Variants in RIMS2 observed in about 807,000 individuals in gnomAD.
RIMS2 encodes regulating synaptic membrane exocytosis 2, also known as regulating synaptic membrane exocytosis protein 2.
Under a neutral mutation model 174.4 loss-of-function variants are expected in RIMS2, and 59 were observed. That is an observed-to-expected ratio of 0.34 (90% CI 0.27 to 0.42). RIMS2 has a LOEUF of 0.42. RIMS2 is among the 10% of genes least tolerant of loss of function. The pLI is 1.00. For missense variants in RIMS2, 1,620 were observed against 1,666.3 expected, an observed-to-expected ratio of 0.97 and a Z score of 0.48; for synonymous variants, 606 against 572.5, an observed-to-expected ratio of 1.06 and a Z score of -0.84.
At chr8:104,047,949 C>A (rs2096721950) in intron 19 of RIMS2, among the ~76,000 whole-genome samples, 1 of 152,056 alleles carries the variant, frequency 6.6e-6, no homozygotes, top group Non-Finnish European at 1.5e-5. Flanking sequence ...GGGCTGGTTG[C>A]TTAACACTTC....
intron 19 of RIMS2, among the ~76,000 whole-genome samples, chr8:104,020,612 T>C (rs1181732838): frequency 6.6e-6 from 1 of 152,000 alleles, no homozygotes; most frequent in Non-Finnish European, 1.5e-5. Flanking sequence ...GGGAAAGGAT[T>C]CTGAGGAAGA....
intron 14 of RIMS2, among the ~76,000 whole-genome samples, chr8:103,952,593 A>T (rs1270478124): frequency 2.0e-5 from 3 of 152,136 alleles, no homozygotes; most frequent in Non-Finnish European, 4.4e-5. Flanking sequence ...CCACTCAGAG[A>T]CCCCATCTGA....
chr8:103,611,130 G>A (rs922450911), intron 1 of RIMS2, among the ~76,000 whole-genome samples: 1 of 151,524 alleles, frequency 6.6e-6, no homozygotes, highest in Admixed American at 6.6e-5. Flanking sequence ...TGTAGTAGTA[G>A]TCCCTGAGGG....
Position 103,789,676 on chromosome 8 carries a change from AT to A in RIMS2, c.698+23140del, listed in dbSNP as rs1426024546. Among the ~76,000 whole-genome samples, 4 of 150,616 alleles carry A rather than the reference AT, an allele frequency of 2.7e-5. No homozygotes were observed. The East Asian group carries it at 7.9e-4, about 30-fold the overall frequency. ...TGCAAATACTTTTCCCCAGTTTATT[AT>A]CTTTTGACTTTGCTTATATTATTCT... On this transcript the variant is annotated intron_variant, in intron 3 of 23. Transcript: ENST00000504942.
intron 1 of RIMS2, among the ~76,000 whole-genome samples, chr8:103,511,130 C>A (rs1265733409): frequency 2.0e-5 from 3 of 152,124 alleles, no homozygotes; most frequent in Non-Finnish European, 4.4e-5. Context: ...TTAACAGTTT[C>A]CTCCAGAGTT....
At chr8:103,508,741 C>G (rs1255450296) in intron 1 of RIMS2, among the ~76,000 whole-genome samples, 1 of 152,014 alleles carries the variant, frequency 6.6e-6, no homozygotes, top group Non-Finnish European at 1.5e-5. Context: ...GATAAAGGCA[C>G]TATTTAGGAG....
chr8:103,936,304 A>G (rs2081238535), intron 12 of RIMS2, among the ~76,000 whole-genome samples: 1 of 152,174 alleles, frequency 6.6e-6, no homozygotes, highest in Admixed American at 6.5e-5. Flanking sequence ...TCAGTTTTCA[A>G]TAATATGTCA....
chr8:103,693,828 T>C (rs1177941428), intron 1 of RIMS2, among the ~76,000 whole-genome samples: 1 of 152,126 alleles, frequency 6.6e-6, no homozygotes, highest in Non-Finnish European at 1.5e-5. Flanking sequence ...ATCTCTTTCT[T>C]TGGGAACTGA....
chr8:103,718,001 A>C (rs546116614), intron 2 of RIMS2, among the ~76,000 whole-genome samples: 52 of 151,782 alleles, frequency 3.4e-4, no homozygotes, highest in Non-Finnish European at 6.0e-4. Flanking sequence ...CTAAGTCTAG[A>C]CAGCAAATTC....
In RIMS2 at chr8:103,978,642, T is replaced by C. The variant is rs183329777; in HGVS notation, c.2927+3136T>C. ...ATAAAAACTAATAAAAATACCTGGGTATAATGATCATGGACAAATTTGTTC... is the reference window on the plus strand; with the variant it reads ...ATAAAAACTAATAAAAATACCTGGGCATAATGATCATGGACAAATTTGTTC... On this transcript the variant is annotated intron_variant, in intron 16 of 23. Coordinates refer to ENST00000504942, the Ensembl canonical transcript of RIMS2. 4.6e-5 allele frequency among the ~76,000 whole-genome samples: 7 copies of C among 152,354 alleles called. No individual in the cohort carries two copies. The South Asian group carries it at 6.2e-4, about 14-fold the overall frequency.
At chr8:104,188,064 T>C (rs1346934296) in intron 19 of RIMS2, among the ~76,000 whole-genome samples, 1 of 151,768 alleles carries the variant, frequency 6.6e-6, no homozygotes, top group Non-Finnish European at 1.5e-5. Context: ...CATATAATAG[T>C]ATTTATAGTA....
At chr8:104,214,490 C>G (rs1261679339) in intron 19 of RIMS2, among the ~76,000 whole-genome samples, 2 of 152,126 alleles carry the variant, frequency 1.3e-5, no homozygotes, top group Non-Finnish European at 2.9e-5. Flanking sequence ...CTCTGTCACC[C>G]AGGCTGGAGA....
intron 1 of RIMS2, among the ~76,000 whole-genome samples, chr8:103,595,334 G>T (rs1198692051): frequency 6.6e-6 from 1 of 151,654 alleles, no homozygotes; most frequent in Non-Finnish European, 1.5e-5. Flanking sequence ...ACAGTAAAAG[G>T]TACAATTTCT....
At chr8:103,831,955 T>C (rs2154479860) in intron 3 of RIMS2, among the ~76,000 whole-genome samples, 1 of 152,356 alleles carries the variant, frequency 6.6e-6, no homozygotes, top group South Asian at 2.1e-4. Flanking sequence ...TTTTGTCTCA[T>C]GGGTCTAACC....
chr8:103,693,420 T>C (rs958586549), intron 1 of RIMS2, among the ~76,000 whole-genome samples: 13 of 152,242 alleles, frequency 8.5e-5, no homozygotes, highest in African/African-American at 3.1e-4. Flanking sequence ...TTGGTGTTCC[T>C]GTGAGGAGGA....
At chr8:103,606,992 T>G (rs1477642433) in intron 1 of RIMS2, among the ~76,000 whole-genome samples, 2 of 152,038 alleles carry the variant, frequency 1.3e-5, no homozygotes, top group African/African-American at 2.4e-5. Context: ...GAGCATTTAG[T>G]CCATTTACAT....
intron 11 of RIMS2, among the ~76,000 whole-genome samples, chr8:103,930,419 T>C (rs1040290057): frequency 2.6e-5 from 4 of 152,092 alleles, no homozygotes; most frequent in African/African-American, 9.7e-5. Context: ...AGGTATGTGC[T>C]GAGTTCTGGG....
chr8:104,236,782 C>CG (rs1447842613), intron 19 of RIMS2, among the ~76,000 whole-genome samples: 2 of 151,812 alleles, frequency 1.3e-5, no homozygotes, highest in East Asian at 3.9e-4. Context: ...CCAAGAAGAG[C>CG]GTAAGGAGAC....
intron 1 of RIMS2, among the ~76,000 whole-genome samples, chr8:103,671,051 C>A (rs1047854644): frequency 6.6e-6 from 1 of 152,126 alleles, no homozygotes; most frequent in African/African-American, 2.4e-5. Flanking sequence ...CCTGGGGATG[C>A]CTCACAATCA....
Sources: gnomAD v4.1 joint callset for allele counts (sites outside exome capture counted in the v4.1 genomes callset) on GRCh38, gnomAD v4.1.1 for gene constraint, MANE v1.5 for transcripts, NCBI Gene and HGNC (gene_info 2026-07-23, HGNC 2026-07-21) for gene names.